Variants in NTM observed in about 807,000 individuals in gnomAD.
The protein encoded by NTM is IgLON family member 2.
In NTM, 13 loss-of-function variants were observed where a neutral mutation model predicts 42.1. The observed-to-expected ratio is 0.31, with a 90% CI of 0.20 to 0.49. The LOEUF (loss-of-function observed/expected upper bound fraction) is 0.49. NTM is among the 20% of genes least tolerant of loss of function. The pLI, the probability that NTM is intolerant of heterozygous loss-of-function variation, is 0.99. For missense variants in NTM, 373 were observed against 452.8 expected, an observed-to-expected ratio of 0.82 and a Z score of 1.60; for synonymous variants, 187 against 179.2, an observed-to-expected ratio of 1.04 and a Z score of -0.35.
chr11:132,109,197 T>TATA (rs57974347), intron 2 of NTM, among the ~76,000 whole-genome samples: 84,904 of 151,646 alleles, frequency 0.56, 24,112 homozygotes, highest in African/African-American at 0.61. Flanking sequence ...TAGAATGATT[T>TATA]ATCTTTTAGT....
chr11:131,837,711 A>G (rs1336555569), intron 1 of NTM, among the ~76,000 whole-genome samples: 4 of 151,938 alleles, frequency 2.6e-5, no homozygotes, highest in Non-Finnish European at 5.9e-5. Context: ...TGTGCACCCG[A>G]GGGCTATGCG....
intron 1 of NTM, among the ~76,000 whole-genome samples, chr11:131,484,406 C>A (rs906741823): frequency 4.6e-5 from 7 of 152,276 alleles, no homozygotes; most frequent in Admixed American, 3.9e-4. Context: ...TTGGAGAAGG[C>A]AAAATGGTCC....
intron 3 of NTM, among the ~76,000 whole-genome samples, chr11:132,196,912 T>G (rs2080313571): frequency 1.3e-5 from 2 of 152,056 alleles, no homozygotes; most frequent in Admixed American, 1.3e-4. Context: ...AACCTGCACA[T>G]GTACTCCCTG....
chr11:131,416,204 TC>T (rs199567762), intron 1 of NTM, among the ~76,000 whole-genome samples: 21 of 151,556 alleles, frequency 1.4e-4, no homozygotes, highest in African/African-American at 5.1e-4. Context: ...TTTTTTTTTT[TC>T]TTCCCTTTTC....
rs148615936 is a variant in NTM, at chr11:131,565,423, C to T, written c.82+194535C>T. 3.3e-4 allele frequency among the ~76,000 whole-genome samples: 51 copies of T among 152,324 alleles called. 1 individual carries two copies. The South Asian group carries it at 7.7e-3, about 23-fold the overall frequency. ...TTCCAGGTCTCCTCCTGCCTCGCTG[C>T]TGCCTCCCAGGCGGTGAGAGCGGGG... On this transcript the variant is annotated intron_variant, in intron 1 of 8. Coordinates refer to ENST00000683400, the MANE Select transcript of NTM (RefSeq NM_001352005.2).
intron 1 of NTM, among the ~76,000 whole-genome samples, chr11:131,374,825 C>A (rs10750477): frequency 1.3e-5 from 2 of 151,968 alleles, no homozygotes; most frequent in African/African-American, 4.8e-5. Context: ...ATGATTCTGA[C>A]GTGTACAGAA....
chr11:131,570,138 C>G (rs1336879312), intron 1 of NTM, among the ~76,000 whole-genome samples: 3 of 152,170 alleles, frequency 2.0e-5, no homozygotes, highest in African/African-American at 7.2e-5. Flanking sequence ...AGTCTGTGCT[C>G]CCATAACTGA....
rs546851085 is a variant in NTM, at chr11:132,307,648, T to G, written c.527-41T>G. 1.7e-4 allele frequency: 271 copies of G among 1,610,096 alleles called. 3 individuals carry two copies. In the South Asian group the frequency reaches 2.8e-3, roughly 17 times the overall value. The stretch of plus-strand genomic sequence containing the variant: ...TCTAAGTGAACATGTTTGGTCTTTT[T>G]TTTCCTTGTATTTCACCACACGTTA... On this transcript the variant is annotated intron_variant, in intron 4 of 8. Transcript: ENST00000683400.
chr11:131,741,172 A>T lies in NTM; in HGVS notation c.83-170392A>T, dbSNP rs914609637. 2.8e-4 allele frequency among the ~76,000 whole-genome samples: 27 copies of T among 96,402 alleles called. 1 individual carries two copies. The highest frequency in any genetic ancestry group is 1.6e-3 in the Admixed American group (16 of 10,266). 63.2% of individuals were successfully genotyped at this position (96,402 alleles called of 152,430 possible). A position where few individuals can be genotyped will look rare whatever the true frequency, so the allele number is the denominator to read the frequency against. ...AGAGCAAGACCCCGTTGAGAGAGAG[A>T]GAGAGAGAGAGAGAGAGAGAGAGAG... On this transcript the variant is annotated intron_variant, in intron 1 of 8. Coordinates refer to ENST00000683400, the MANE Select transcript of NTM (RefSeq NM_001352005.2).
intron 4 of NTM, among the ~76,000 whole-genome samples, chr11:132,272,630 T>C (rs2093535743): frequency 6.6e-6 from 1 of 152,188 alleles, no homozygotes. Flanking sequence ...TTCTTTTTGA[T>C]ACTACGGTAA....
chr11:131,900,297 G>A (rs2052956419), intron 1 of NTM, among the ~76,000 whole-genome samples: 1 of 152,236 alleles, frequency 6.6e-6, no homozygotes, highest in African/African-American at 2.4e-5. Context: ...GGCTCCAAAA[G>A]GGAAGAAGAA....
At chr11:132,312,586 C>T (rs1264238218) in intron 6 of NTM, 1 of 154,890 alleles carries the variant, frequency 6.5e-6, no homozygotes, top group Non-Finnish European at 1.5e-5. Context: ...CTGCTGGCCC[C>T]CTGTGCTGTT....
intron 1 of NTM, among the ~76,000 whole-genome samples, chr11:131,833,201 T>C (rs1181933025): frequency 6.6e-6 from 1 of 152,222 alleles, no homozygotes; most frequent in Non-Finnish European, 1.5e-5. Context: ...TATTGAAGAA[T>C]TGTGGTGCAG....
intron 1 of NTM, among the ~76,000 whole-genome samples, chr11:131,559,632 A>G (rs1479202361): frequency 6.6e-6 from 1 of 152,252 alleles, no homozygotes; most frequent in African/African-American, 2.4e-5. Context: ...AGACGCTGTA[A>G]TCAGGCCTCT....
intron 3 of NTM, among the ~76,000 whole-genome samples, chr11:132,199,167 A>T (rs2080774595): frequency 6.6e-6 from 1 of 152,226 alleles, no homozygotes; most frequent in Non-Finnish European, 1.5e-5. Flanking sequence ...AGCTATGATT[A>T]ATGAAACATA....
intron 1 of NTM, among the ~76,000 whole-genome samples, chr11:131,488,410 T>G (rs1954418316): frequency 6.6e-6 from 1 of 152,162 alleles, no homozygotes; most frequent in Non-Finnish European, 1.5e-5. Flanking sequence ...TCATTTTATT[T>G]CCTAGCCTGA....
chr11:131,548,687 T>G (rs1219222345), intron 1 of NTM, among the ~76,000 whole-genome samples: 1 of 152,198 alleles, frequency 6.6e-6, no homozygotes, highest in Non-Finnish European at 1.5e-5. Context: ...GACTGACAAG[T>G]GTTGCTTTAT....
chr11:132,222,416 G>A (rs1418928586), intron 4 of NTM, among the ~76,000 whole-genome samples: 1 of 152,204 alleles, frequency 6.6e-6, no homozygotes, highest in Non-Finnish European at 1.5e-5. Flanking sequence ...CTTTAGACAT[G>A]AAAAGAAATT....
chr11:132,317,063 T>C (rs1011216308), intron 7 of NTM, among the ~76,000 whole-genome samples: 1 of 152,184 alleles, frequency 6.6e-6, no homozygotes, highest in African/African-American at 2.4e-5. Flanking sequence ...AAGTGAGGAA[T>C]TCTGGTGCAA....
Sources: allele counts gnomAD v4.1 joint callset (sites outside exome capture counted in the v4.1 genomes callset), GRCh38; gene constraint gnomAD v4.1.1; transcripts MANE v1.5; gene names NCBI Gene and HGNC (gene_info 2026-07-23, HGNC 2026-07-21).